Variants in SLC44A1 observed in about 807,000 individuals in gnomAD.
SLC44A1 encodes choline transporter-like protein 1.
A neutral mutation model predicts 79.3 loss-of-function variants in SLC44A1; 26 were observed. The ratio of observed to expected loss-of-function variants is 0.33; its 90% CI spans 0.24 to 0.46. The LOEUF (loss-of-function observed/expected upper bound fraction) is 0.46, where lower values mean the gene tolerates loss of function less well. Among genes scored for constraint, SLC44A1 ranks in the 20% least tolerant of loss-of-function variants. The pLI is 1.00. For missense variants in SLC44A1, 688 were observed against 798.1 expected (o/e 0.86, Z 1.66); for synonymous variants, 263 against 286.2 (o/e 0.92, Z 0.82).
At chr9:105,371,325 A>G (rs1030115190) in intron 12 of SLC44A1, among the ~76,000 whole-genome samples, 2 of 152,260 alleles carry the variant, frequency 1.3e-5, no homozygotes, top group Admixed American at 1.3e-4. Context: ...TTTGTGGGCC[A>G]TACAGGATCT....
chr9:105,392,996 T>C lies in SLC44A1; in HGVS notation c.*3940T>C, dbSNP rs2131486619. 1.0e-6 allele frequency: 1 copy of C among 985,050 alleles called. No homozygotes were observed. Among genetic ancestry groups the C allele is most frequent in the East Asian group, 1.1e-4 (1 of 8,806 alleles). 61.0% of individuals were successfully genotyped at this position (985,050 alleles called of 1,614,324 possible). A position where few individuals can be genotyped will look rare whatever the true frequency, so the allele number is the denominator to read the frequency against. On this transcript the variant is annotated 3_prime_UTR_variant, in exon 16 of 16. Coordinates refer to ENST00000374720, the MANE Select transcript of SLC44A1 (RefSeq NM_080546.5). Reference sequence around the variant, plus strand: ...AACAACAAATAAAACTCTCAGAGTCTGGAGGCTTATCAGTGCACCTGCCAC... The same window carrying C: ...AACAACAAATAAAACTCTCAGAGTCCGGAGGCTTATCAGTGCACCTGCCAC...
At chr9:105,329,225 AAT>A in intron 3 of SLC44A1, among the ~76,000 whole-genome samples, 2 of 152,172 alleles carry the variant, frequency 1.3e-5, no homozygotes, top group Non-Finnish European at 2.9e-5. Flanking sequence ...ATGAGGTAAT[AAT>A]TGGGAAAATG....
chr9:105,393,017 G>A lies in SLC44A1; in HGVS notation c.*3961G>A, dbSNP rs948673913. 18 of 984,810 alleles carry A rather than the reference G, an allele frequency of 1.8e-5. 1 individual carries two copies. The South Asian group carries it at 3.3e-4, about 18-fold the overall frequency. The allele number at this position is 984,810 out of a possible 1,614,324, so 61.0% of individuals were successfully genotyped here. ...AGTCTGGAGGCTTATCAGTGCACCT[G>A]CCACAGTTAATTTCTGTATTCTTTT... is the stretch of plus-strand genomic sequence containing the variant. On this transcript the variant is annotated 3_prime_UTR_variant, in exon 16 of 16. Transcript: ENST00000374720.
intron 1 of SLC44A1, among the ~76,000 whole-genome samples, chr9:105,272,986 T>C: frequency 6.6e-6 from 1 of 151,704 alleles, no homozygotes; most frequent in Non-Finnish European, 1.5e-5. Context: ...TATGTATGTA[T>C]ATATAATTTT....
intron 5 of SLC44A1, 25 bp from the exon 6 acceptor site, chr9:105,356,187 T>C: frequency 1.3e-6 from 2 of 1,598,330 alleles, no homozygotes; most frequent in South Asian, 2.2e-5. Flanking sequence ...ATTTTTTTTC[T>C]GATTTTTTTT....
intron 15 of SLC44A1, among the ~76,000 whole-genome samples, chr9:105,435,834 G>C (rs1321195601): frequency 1.3e-5 from 2 of 152,328 alleles, no homozygotes; most frequent in East Asian, 3.9e-4. Flanking sequence ...GGGAAACTAG[G>C]CATGAGGTAG....
At chr9:105,349,360 A>G (rs1029723305) in intron 5 of SLC44A1, among the ~76,000 whole-genome samples, 2 of 152,216 alleles carry the variant, frequency 1.3e-5, no homozygotes, top group Non-Finnish European at 2.9e-5. Context: ...ACTCATGTCT[A>G]CTTTCTTTTG....
chr9:105,406,770 TG>T (rs1002477904), intron 15 of SLC44A1, among the ~76,000 whole-genome samples: 12 of 152,112 alleles, frequency 7.9e-5, no homozygotes, highest in African/African-American at 2.9e-4. Flanking sequence ...AAAAAGAAAC[TG>T]TCTTTGAAGA....
intron 4 of SLC44A1, among the ~76,000 whole-genome samples, chr9:105,345,549 A>G (rs1827223141): frequency 6.6e-6 from 1 of 152,118 alleles, no homozygotes; most frequent in Non-Finnish European, 1.5e-5. Flanking sequence ...TATGCCAGTG[A>G]TTGTGTTTAA....
chr9:105,364,954 G>A (rs1247438281), intron 10 of SLC44A1, among the ~76,000 whole-genome samples: 1 of 152,128 alleles, frequency 6.6e-6, no homozygotes, highest in Non-Finnish European at 1.5e-5. Context: ...AATTTATTGC[G>A]ATGTCACAAA....
Position 105,394,038 on chromosome 9 carries a change from C to T in SLC44A1, c.*4982C>T. ...ATGGGTCTCTTTGAGCTTAAGAAAGCTATGGACTATCTTTCCTTCAAATGC... is the reference window on the plus strand; with the variant it reads ...ATGGGTCTCTTTGAGCTTAAGAAAGTTATGGACTATCTTTCCTTCAAATGC... On this transcript the variant is annotated 3_prime_UTR_variant, in exon 16 of 16. Coordinates refer to ENST00000374720, the MANE Select transcript of SLC44A1 (RefSeq NM_080546.5). 1.0e-6 allele frequency: 1 copy of T among 984,834 alleles called. No individual in the cohort carries two copies. The highest frequency in any genetic ancestry group is 1.2e-6 in the Non-Finnish European group (1 of 829,410). The allele number at this position is 984,834 out of a possible 1,614,324, so 61.0% of individuals were successfully genotyped here.
chr9:105,335,244 T>C (rs148862671), intron 3 of SLC44A1, among the ~76,000 whole-genome samples: 2,544 of 152,210 alleles, frequency 0.017, 65 homozygotes, highest in African/African-American at 0.059. Context: ...TTTTTTTTGG[T>C]ACAAGTTTGA....
At chr9:105,312,775 T>C (rs763425985) in intron 3 of SLC44A1, among the ~76,000 whole-genome samples, 1 of 152,154 alleles carries the variant, frequency 6.6e-6, no homozygotes, top group Non-Finnish European at 1.5e-5. Flanking sequence ...AGTGTGAACC[T>C]TTTTTCCCCA....
At chr9:105,289,424 T>C (rs552415389) in intron 1 of SLC44A1, among the ~76,000 whole-genome samples, 14 of 152,192 alleles carry the variant, frequency 9.2e-5, no homozygotes, top group Non-Finnish European at 1.9e-4. Flanking sequence ...AAACAAAAAA[T>C]AGACACATTA....
chr9:105,390,828 G>A lies in SLC44A1; in HGVS notation c.*1772G>A, dbSNP rs1828747611. ...AAGAGCTCATGTCTTAGCAAGATCT[G>A]GGAAACCAACATTGCGAGAGTAGCT... On this transcript the variant is annotated 3_prime_UTR_variant, in exon 16 of 16. Coordinates refer to ENST00000374720, the MANE Select transcript of SLC44A1 (RefSeq NM_080546.5). 1.0e-6 allele frequency: 1 copy of A among 985,308 alleles called. No homozygotes were observed. The highest frequency in any genetic ancestry group is 6.2e-5 in the Admixed American group (1 of 16,188). 61.0% of individuals were successfully genotyped at this position (985,308 alleles called of 1,614,324 possible).
intron 1 of SLC44A1, among the ~76,000 whole-genome samples, chr9:105,267,699 T>C (rs539902862): frequency 6.6e-6 from 1 of 152,348 alleles, no homozygotes; most frequent in East Asian, 1.9e-4. Context: ...CATCTTTTTC[T>C]TCCAAGTTAT....
intron 4 of SLC44A1, among the ~76,000 whole-genome samples, chr9:105,336,133 C>CGTGTGTGT (rs1564444576): frequency 7.5e-6 from 1 of 133,352 alleles, no homozygotes; most frequent in African/African-American, 3.6e-5. Context: ...TGTGTGTGTG[C>CGTGTGTGT]ATGTGTGTGT....
chr9:105,279,344 G>C (rs1830293811), intron 1 of SLC44A1, among the ~76,000 whole-genome samples: 1 of 143,216 alleles, frequency 7.0e-6, no homozygotes, highest in Non-Finnish European at 1.5e-5. Context: ...TTGAGACGGA[G>C]TCTGACTCTG....
At chr9:105,424,644 A>G (rs1271731320) in intron 15 of SLC44A1, among the ~76,000 whole-genome samples, 10 of 152,212 alleles carry the variant, frequency 6.6e-5, no homozygotes, top group Admixed American at 6.5e-4. Flanking sequence ...ATTTTAAAAG[A>G]TAAGCAAAAA....
Sources: allele counts gnomAD v4.1 joint callset (sites outside exome capture counted in the v4.1 genomes callset), GRCh38; gene constraint gnomAD v4.1.1; transcripts MANE v1.5; gene names NCBI Gene and HGNC (gene_info 2026-07-23, HGNC 2026-07-21).